MEGF6: variants seen among roughly 807,000 people sequenced by gnomAD.
MEGF6 encodes the protein multiple epidermal growth factor-like domains protein 6.
MEGF6 carries 184 observed loss-of-function variants against 207.1 expected under a neutral mutation model. The observed-to-expected ratio is 0.89, with a 90% CI of 0.79 to 1.00. The LOEUF (loss-of-function observed/expected upper bound fraction) is 1.00, where lower values mean the gene tolerates loss of function less well. MEGF6 is among the 50% of genes least tolerant of loss of function. The pLI is 0.00. For synonymous variants in MEGF6, 1,038 were observed against 910.0 expected, an observed-to-expected ratio of 1.14 and a Z score of -2.53; for missense variants, 2,282 against 2,202.9, an observed-to-expected ratio of 1.04 and a Z score of -0.72.
Position 3,496,737 on chromosome 1 carries a change from C to T in MEGF6, c.3660G>A (p.Gly1220=), listed in dbSNP as rs529406417. Residue 1220 remains glycine, a synonymous_variant, in exon 29 of 37, where the codon GGG becomes GGA. Transcript: ENST00000356575. ...CATCACAGGAGCCCCCGTTGAGACA[C>T]CCACACAGCTGTTCACAGCCTGGCC... ...RYGPGCEQLC[G]CLNGGSCDAA... 15 of 1,559,654 alleles carry T rather than the reference C, an allele frequency of 9.6e-6. No homozygotes were observed. The highest frequency in any genetic ancestry group is 1.4e-5 in the African/African-American group (1 of 73,394).
intron 5 of MEGF6, among the ~76,000 whole-genome samples, chr1:3,519,019 A>G (rs1021770741): frequency 1.3e-5 from 2 of 152,196 alleles, no homozygotes; most frequent in African/African-American, 4.8e-5. Context: ...ATGTCACCCC[A>G]ACAACACAGA....
In MEGF6 at chr1:3,514,775, C is replaced by T. The variant is rs1388504069; in HGVS notation, c.731-103G>A. 6 of 1,303,806 alleles carry T rather than the reference C, an allele frequency of 4.6e-6. No individual in the cohort carries two copies. In the East Asian group the frequency reaches 1.3e-4, roughly 28 times the overall value. 80.8% of individuals were successfully genotyped at this position (1,303,806 alleles called of 1,614,324 possible). On this transcript the variant is annotated intron_variant, in intron 6 of 36. Transcript: ENST00000356575. ...GTGAGACCCCTCACCCAGTGCTCTC[C>T]CCACTCTGTGCTCCAGGCTGATGGG...
chr1:3,612,819 C>T (rs1050250381), upstream of MEGF6, among the ~76,000 whole-genome samples: 33 of 152,306 alleles, frequency 2.2e-4, no homozygotes, highest in African/African-American at 7.9e-4. Flanking sequence ...CACACACAGG[C>T]TGTCTGTGCC....
intron 25 of MEGF6, 74 bp downstream of exon 25, chr1:3,498,624 G>A: frequency 6.7e-7 from 1 of 1,489,756 alleles, no homozygotes; most frequent in Non-Finnish European, 9.0e-7. Flanking sequence ...TGACCTGGGA[G>A]CCCTCCTAGG....
chr1:3,497,587 C>T (rs1015761534), intron 26 of MEGF6: 13 of 702,320 alleles, frequency 1.9e-5, no homozygotes, highest in Non-Finnish European at 3.1e-5. Context: ...CACAGCGCCC[C>T]TCACAGTGAG....
rs1336579450 is a variant in MEGF6 at position 3,574,539 on chromosome 1, G to A, written c.481+5286C>T. On this transcript the variant is annotated intron_variant, in intron 4 of 36. Coordinates refer to ENST00000356575, the MANE Select transcript of MEGF6 (RefSeq NM_001409.4). The stretch of plus-strand genomic sequence containing the variant: ...AGGGTGGCAACACTCTAGTGTGGTG[G>A]TGCTGGAGACCCGTCTGATCTGCCC... 3.4e-5 allele frequency among the ~76,000 whole-genome samples: 5 copies of A among 147,194 alleles called. No individual in the cohort carries two copies. In the Admixed American group the frequency reaches 3.4e-4, roughly 10 times the overall value.
rs779964281 is a variant in MEGF6 at position 3,500,967 on chromosome 1, T to C, written c.2574A>G (p.Arg858=). Residue 858 remains arginine (R), a splice_region_variant and synonymous_variant, in exon 20 of 37, where the codon AGA becomes AGG. Coordinates refer to ENST00000356575, the MANE Select transcript of MEGF6 (RefSeq NM_001409.4). The part of the protein sequence containing the change: ...APGWTGFSCQ[R]ACDTGHWGPD... The stretch of plus-strand genomic sequence containing the variant: ...AGGGCAAGCCAAGGGCCCCCGTACC[T>C]CTCTGGCAGCTAAAGCCGGTCCACC... The C allele has an allele frequency of 1.4e-5, 22 of 1,611,454 alleles. No individual in the cohort carries two copies. The highest frequency in any genetic ancestry group is 1.8e-5 in the Non-Finnish European group (21 of 1,179,934).
chr1:3,603,083 C>A (rs1174947650), intron 1 of MEGF6, among the ~76,000 whole-genome samples: 1 of 152,164 alleles, frequency 6.6e-6, no homozygotes, highest in Non-Finnish European at 1.5e-5. Context: ...GTCAGCGGCT[C>A]CCCGGCATCC....
intron 4 of MEGF6, among the ~76,000 whole-genome samples, chr1:3,562,684 C>G (rs565102491): frequency 6.6e-6 from 1 of 152,338 alleles, no homozygotes; most frequent in Non-Finnish European, 1.5e-5. Flanking sequence ...CCCCCCAGGT[C>G]GGAGAGCCAC....
rs144356220 is a variant in MEGF6 at position 3,490,404 on chromosome 1, G to A, written c.*124C>T. On this transcript the variant is annotated 3_prime_UTR_variant, in exon 37 of 37. Transcript: ENST00000356575. Reference sequence around the variant, plus strand: ...TGCTGGGCTGTCCACAGCCCTCCACGGCCCTCAAAGGAAGGGCAGTACCAG... The same window carrying A: ...TGCTGGGCTGTCCACAGCCCTCCACAGCCCTCAAAGGAAGGGCAGTACCAG... 9.8e-5 allele frequency: 106 copies of A among 1,078,786 alleles called. 1 individual carries two copies. In the East Asian group the frequency reaches 1.2e-3, roughly 12 times the overall value. The allele number at this position is 1,078,786 out of a possible 1,614,324, so 66.8% of individuals were successfully genotyped here. A position where few individuals can be genotyped will look rare whatever the true frequency, so the allele number is the denominator to read the frequency against.
rs554315322 is a variant in MEGF6, at chr1:3,510,863, A to G, written c.1154T>C (p.Val385Ala). 1.2e-6 allele frequency: 2 copies of G among 1,610,054 alleles called. No homozygotes were observed. Among genetic ancestry groups the G allele is most frequent in the Non-Finnish European group, 1.7e-6 (2 of 1,177,686 alleles). Residue 385 changes from valine (V) to alanine (A), a missense_variant, in exon 10 of 37, where the codon GTG becomes GCG. Val to Ala is a moderately conservative substitution (Grantham distance 64). Coordinates refer to ENST00000356575, the MANE Select transcript of MEGF6 (RefSeq NM_001409.4). The part of the protein sequence containing the change: ...DCADSPCCQQ[V>A]CTNNPGGYEC... ...GTACCCGCCAGGGTTGTTGGTGCACACCTGCTGGCAGCACGGGCTGTCTGC... is the reference window on the plus strand; with the variant it reads ...GTACCCGCCAGGGTTGTTGGTGCACGCCTGCTGGCAGCACGGGCTGTCTGC...
intron 3 of MEGF6, among the ~76,000 whole-genome samples, chr1:3,581,486 A>G (rs770285218): frequency 3.9e-5 from 6 of 152,200 alleles, no homozygotes; most frequent in Non-Finnish European, 8.8e-5. Context: ...GAAGCACAGG[A>G]AATTCCCCAG....
At chr1:3,528,144 G>A (rs934917708) in intron 4 of MEGF6, among the ~76,000 whole-genome samples, 5 of 152,234 alleles carry the variant, frequency 3.3e-5, no homozygotes, top group African/African-American at 1.2e-4. Flanking sequence ...CTCCCACTTG[G>A]ACGACAGAGG....
At position 3,565,492 on chromosome 1, in the gene MEGF6, G is replaced by C. The variant is rs1166823229; in HGVS notation, c.481+14333C>G. 1.3e-5 allele frequency among the ~76,000 whole-genome samples: 2 copies of C among 152,206 alleles called. No homozygotes were observed. Among genetic ancestry groups the C allele is most frequent in the Non-Finnish European group, 2.9e-5 (2 of 68,026 alleles). On this transcript the variant is annotated intron_variant, in intron 4 of 36. Transcript: ENST00000356575. The surrounding 1 kb of genome is among the most constrained non-coding windows in gnomAD (Gnocchi z 4.8). ...TGATTGCAGGAGGCCCCTTCCAAGA[G>C]GGGTCCAGGGAGCAGGACCAGGAGC...
chr1:3,572,382 C>T (rs1258907144), intron 4 of MEGF6, among the ~76,000 whole-genome samples: 23 of 103,162 alleles, frequency 2.2e-4, no homozygotes, highest in African/African-American at 1.1e-3. Flanking sequence ...GCTGGGTTCT[C>T]TCAGGTGTGC....
intron 1 of MEGF6, among the ~76,000 whole-genome samples, chr1:3,610,431 C>T (rs1420575113): frequency 2.6e-5 from 4 of 152,160 alleles, no homozygotes; most frequent in African/African-American, 9.7e-5. Context: ...CCCACCCCTG[C>T]CAGCAAGGCC....
rs1266161800 is a variant in MEGF6 at position 3,492,834 on chromosome 1, TGG to T, written c.4388-69_4388-68del. 142 of 1,569,724 alleles carry T rather than the reference TGG, an allele frequency of 9.0e-5. 1 individual carries two copies. The African/African-American group carries it at 1.6e-3, about 18-fold the overall frequency. On this transcript the variant is annotated intron_variant, in intron 34 of 36. Transcript: ENST00000356575. Reference sequence around the variant, plus strand: ...CTTGCCTTCCCCGCGCCAAGGAGCCTGGGCCTAGGGGCCCGCGGCAGAGCCCA... The same window carrying T: ...CTTGCCTTCCCCGCGCCAAGGAGCCTGCCTAGGGGCCCGCGGCAGAGCCCA...
chr1:3,505,225 C>T lies in MEGF6; in HGVS notation c.2171G>A (p.Gly724Glu). 6.2e-7 allele frequency: 1 copy of T among 1,612,296 alleles called. No individual in the cohort carries two copies. Among genetic ancestry groups the T allele is most frequent in the African/African-American group, 1.3e-5 (1 of 75,036 alleles). ...CCACTCACCTTGGCCACAGTCCTCT[C>T]CCTGGAAGCCAGCAGGACACCGCTT... ...CGKRCPAGFQ[G>E]EDCGQECPVG... Residue 724 changes from glycine to glutamate, a missense_variant, in exon 17 of 37, where the codon GGA becomes GAA. Physicochemically the swap from Gly to Glu is moderately conservative, Grantham distance 98. Coordinates refer to ENST00000356575, the MANE Select transcript of MEGF6 (RefSeq NM_001409.4).
intron 3 of MEGF6, among the ~76,000 whole-genome samples, chr1:3,581,741 C>T (rs1643802340): frequency 6.6e-6 from 1 of 152,178 alleles, no homozygotes; most frequent in Non-Finnish European, 1.5e-5. Context: ...CCTCCCCAGG[C>T]TCTGCTGAAG....
Sources: gnomAD v4.1 joint callset for allele counts (sites outside exome capture counted in the v4.1 genomes callset) on GRCh38, gnomAD v4.1.1 for gene constraint, Gnocchi (gnomAD v3.1) non-coding constraint, MANE v1.5 for transcripts, NCBI Gene and HGNC (gene_info 2026-07-23, HGNC 2026-07-21) for gene names.